Variants in RRP12 observed in about 807,000 individuals in gnomAD.
RRP12 encodes RRP12-like protein.
In RRP12, 78 loss-of-function variants were observed where a neutral mutation model predicts 157.3. That is an observed-to-expected ratio of 0.50 (90% CI 0.41 to 0.60). RRP12 has a LOEUF of 0.60. RRP12 is among the 20% of genes least tolerant of loss of function. RRP12 has a pLI of 0.00. For missense variants in RRP12, 1,521 were observed against 1,679.9 expected (o/e 0.91, Z 1.65); for synonymous variants, 726 against 670.9 (o/e 1.08, Z -1.27).
intron 10 of RRP12, 41 bp downstream of exon 10, chr10:97,385,125 A>G: frequency 7.4e-7 from 1 of 1,356,690 alleles, no homozygotes; most frequent in Non-Finnish European, 1.0e-6. Flanking sequence ...CCACCTCAAC[A>G]GCCTGGACAG....
intron 30 of RRP12, among the ~76,000 whole-genome samples, chr10:97,362,438 C>T (rs766614770): frequency 2.7e-4 from 41 of 152,222 alleles, no homozygotes; most frequent in Non-Finnish European, 5.0e-4. Flanking sequence ...CTTTGCATCA[C>T]TAAGTGGCAA....
intron 20 of RRP12, chr10:97,371,468 C>T (rs779424331): frequency 4.2e-6 from 1 of 237,778 alleles, no homozygotes; most frequent in Non-Finnish European, 8.3e-6. Context: ...ACTCCCCCAA[C>T]CCCCAACGCC....
chr10:97,378,434 T>C (rs1358121914), intron 15 of RRP12, among the ~76,000 whole-genome samples: 1 of 152,176 alleles, frequency 6.6e-6, no homozygotes, highest in Non-Finnish European at 1.5e-5. Context: ...TAAGTATGTG[T>C]ATATCTAAAC....
chr10:97,361,150 C>G (rs930701201), intron 30 of RRP12, among the ~76,000 whole-genome samples: 1 of 152,202 alleles, frequency 6.6e-6, no homozygotes, highest in African/African-American at 2.4e-5. Flanking sequence ...CCTGCTCAAG[C>G]CAGTCATCAC....
In RRP12 at chr10:97,400,476, G is replaced by A; in HGVS notation, c.198C>T (p.Ser66=). 2 of 1,614,150 alleles carry A rather than the reference G, an allele frequency of 1.2e-6. No individual in the cohort carries two copies. Among genetic ancestry groups the A allele is most frequent in the Non-Finnish European group, 8.5e-7 (1 of 1,180,028 alleles). ...GGGCTTCGCTTTTGCCCAAGCGCAA[G>A]GACCCTGACTGCAGCTCATTATGTA... ...VKLHNELQSG[S]LRLGKSEAPE... is the part of the protein sequence containing the mutation. The change falls in exon 2 of 34, where the codon TCC becomes TCT. Residue 66 remains serine (S), a synonymous_variant. Coordinates refer to ENST00000370992, the MANE Select transcript of RRP12 (RefSeq NM_015179.4).
rs1462849052 is a variant in RRP12 at position 97,381,822 on chromosome 10, G to T, written c.1213C>A (p.Gln405Lys). 6.2e-7 allele frequency: 1 copy of T among 1,613,208 alleles called. No individual in the cohort carries two copies. Among genetic ancestry groups the T allele is most frequent in the Admixed American group, 1.7e-5 (1 of 60,010 alleles). The change falls in exon 11 of 34, where the codon CAG (glutamine) becomes AAG (lysine). Residue 405 changes from glutamine (Q) to lysine (K), a missense_variant. Coordinates refer to ENST00000370992, the MANE Select transcript of RRP12 (RefSeq NM_015179.4). ...AGGTGGCCTAGCCCCAGGTCCCACT[G>T]CAACCTGTCAAGACAAAAGGTTTCT... is the stretch of plus-strand genomic sequence containing the variant. ...EKAHINLVRLQWDLGLGHLPR... is the reference protein window; with the variant it reads ...EKAHINLVRLKWDLGLGHLPR...
rs1438699829 is a variant in RRP12, at chr10:97,379,408, A to G, written c.1683T>C (p.Thr561=). ...GCAGCCAGCTCCGTGGGAAATCCAG[A>G]GTCTCCCTGGGAAGAGAATGGGAAG... ...VPLEIDGSEE[T]LDFPRSWLLP... is the part of the protein sequence containing the mutation. The change falls in exon 15 of 34, where the codon ACT becomes ACC. Residue 561 remains threonine (T), a synonymous_variant. Coordinates refer to ENST00000370992, the MANE Select transcript of RRP12 (RefSeq NM_015179.4). 6.2e-7 allele frequency: 1 copy of G among 1,614,042 alleles called. No homozygotes were observed. Among genetic ancestry groups the G allele is most frequent in the Admixed American group, 1.7e-5 (1 of 60,032 alleles).
At chr10:97,380,644 C>T (rs531919949) in intron 13 of RRP12, among the ~76,000 whole-genome samples, 155 bp downstream of exon 13, 1 of 152,290 alleles carries the variant, frequency 6.6e-6, no homozygotes, top group East Asian at 1.9e-4. Flanking sequence ...GCCCAGTCAC[C>T]TTCCAGGGGA....
At chr10:97,364,977 A>G (rs979792276) in intron 29 of RRP12, among the ~76,000 whole-genome samples, 2 of 152,276 alleles carry the variant, frequency 1.3e-5, no homozygotes, top group South Asian at 2.1e-4. Flanking sequence ...AAGACACTAG[A>G]CACGGAAATA....
At chr10:97,395,788 T>G (rs1844944877) in intron 3 of RRP12, among the ~76,000 whole-genome samples, 2 of 150,596 alleles carry the variant, frequency 1.3e-5, no homozygotes, top group Admixed American at 6.6e-5. Flanking sequence ...GAGGCAGAGG[T>G]TGCAATAAGT....
chr10:97,400,462 T>C lies in RRP12; in HGVS notation c.212A>G (p.Lys71Arg), dbSNP rs1845112421. The change falls in exon 2 of 34, where the codon AAA (lysine) becomes AGA (arginine). Residue 71 changes from lysine to arginine, a missense_variant. Transcript: ENST00000370992. Reference protein sequence around the residue: ...ELQSGSLRLGKSEAPETPMEE... With the variant: ...ELQSGSLRLGRSEAPETPMEE... ...CATGGGCGTCTCCGGGGCTTCGCTT[T>C]TGCCCAAGCGCAAGGACCCTGACTG... is the stretch of plus-strand genomic sequence containing the variant. The C allele has an allele frequency of 6.2e-7, 1 of 1,613,950 alleles. No individual in the cohort carries two copies. Among genetic ancestry groups the C allele is most frequent in the Admixed American group, 1.7e-5 (1 of 59,988 alleles).
intron 15 of RRP12, among the ~76,000 whole-genome samples, chr10:97,377,254 T>C (rs1951637150): frequency 6.6e-6 from 1 of 151,340 alleles, no homozygotes; most frequent in Non-Finnish European, 1.5e-5. Flanking sequence ...TGGTGGCTCA[T>C]GCCTGTACTC....
At chr10:97,380,431 A>C (rs1844434391) in intron 13 of RRP12, among the ~76,000 whole-genome samples, 1 of 152,156 alleles carries the variant, frequency 6.6e-6, no homozygotes, top group Non-Finnish European at 1.5e-5. Context: ...GACTGGAGGA[A>C]CCTCCGTGGG....
chr10:97,370,474 C>T lies in RRP12; in HGVS notation c.2670G>A (p.Arg890=), dbSNP rs1448645337. Reference sequence around the variant, plus strand: ...CCTCACCTTCCTGGTTCGAGCCAAACCTTAGGAAAGCATGGCCCATCTCCA... The same window carrying T: ...CCTCACCTTCCTGGTTCGAGCCAAATCTTAGGAAAGCATGGCCCATCTCCA... ...LLVEMGHAFL[R]FGSNQEEALQ... The change falls in exon 23 of 34, where the codon AGG becomes AGA. Residue 890 remains arginine (R), a synonymous_variant. Transcript: ENST00000370992. 1 of 1,607,660 alleles carries T rather than the reference C, an allele frequency of 6.2e-7. No homozygotes were observed. Among genetic ancestry groups the T allele is most frequent in the Non-Finnish European group, 8.5e-7 (1 of 1,177,106 alleles).
At position 97,386,001 on chromosome 10, in the gene RRP12, G is replaced by T; in HGVS notation, c.1018-8C>A. 1 of 1,567,144 alleles carries T rather than the reference G, an allele frequency of 6.4e-7. No individual in the cohort carries two copies. Among genetic ancestry groups the T allele is most frequent in the Non-Finnish European group, 8.7e-7 (1 of 1,150,518 alleles). The stretch of plus-strand genomic sequence containing the variant: ...GGCACAGGCTGTCACCAGCTGGAGG[G>T]GGACACACAGGCTTAGAAAGGAACT... On this transcript the variant is annotated splice_polypyrimidine_tract_variant and splice_region_variant and intron_variant, in intron 8 of 33. Transcript: ENST00000370992.
chr10:97,361,127 C>T lies in RRP12; in HGVS notation c.3568-509G>A, dbSNP rs572893919. Among the ~76,000 whole-genome samples the T allele has an allele frequency of 2.0e-4, 30 of 152,326 alleles. No individual in the cohort carries two copies. The South Asian group carries it at 5.2e-3, about 26-fold the overall frequency. ...TTCCTGTGCTCCACGGGCTCTCAGG[C>T]GGGTGGGAGACCCCTGCTCAAGCCA... is the stretch of plus-strand genomic sequence containing the variant. On this transcript the variant is annotated intron_variant, in intron 30 of 33. Transcript: ENST00000370992.
intron 10 of RRP12, 77 bp from the exon 11 acceptor site, chr10:97,381,903 G>A (rs1844478937): frequency 2.0e-6 from 2 of 1,006,640 alleles, no homozygotes; most frequent in South Asian, 1.4e-5. Flanking sequence ...GGGCTGAGAC[G>A]GCCCAGCTCT....
At chr10:97,376,606 T>C (rs902335315) in intron 15 of RRP12, among the ~76,000 whole-genome samples, 5 of 152,136 alleles carry the variant, frequency 3.3e-5, no homozygotes, top group African/African-American at 9.7e-5. Flanking sequence ...ATCTTGACAA[T>C]GTGGACATTT....
rs746842906 is a variant in RRP12, at chr10:97,390,722, A to G, written c.636+17T>C. ...TCTGGGAGTCGCCAGATGAGAAACT[A>G]AACCCCAGACACTAACCCATCGGAG... On this transcript the variant is annotated intron_variant, in intron 5 of 33. Transcript: ENST00000370992. 5 of 1,576,830 alleles carry G rather than the reference A, an allele frequency of 3.2e-6. No individual in the cohort carries two copies. In the Admixed American group the frequency reaches 6.7e-5, roughly 21 times the overall value.
Sources: allele counts gnomAD v4.1 joint callset (sites outside exome capture counted in the v4.1 genomes callset), GRCh38; gene constraint gnomAD v4.1.1; transcripts MANE v1.5; gene names NCBI Gene and HGNC (gene_info 2026-07-23, HGNC 2026-07-21).